The following ENDOV variants were observed in gnomAD, a reference collection of about 807,000 sequenced individuals.
ENDOV encodes endonuclease V.
Under a neutral mutation model 39.4 loss-of-function variants are expected in ENDOV, and 37 were observed. The observed-to-expected ratio is 0.94, with a 90% confidence interval of 0.72 to 1.23. The LOEUF (loss-of-function observed/expected upper bound fraction) is 1.23. Among genes scored for constraint, ENDOV ranks in the 50% most tolerant of loss-of-function variants. The probability of loss-of-function intolerance (pLI) is 0.00; values close to 1 mark genes in which losing one functional copy is unlikely to be tolerated. For missense variants in ENDOV, 441 were observed against 375.7 expected, an observed-to-expected ratio of 1.17 and a Z score of -1.44; for synonymous variants, 186 against 163.4, an observed-to-expected ratio of 1.14 and a Z score of -1.05.
At chr17:80,424,520 A>G (rs1390920403) in intron 5 of ENDOV, among the ~76,000 whole-genome samples, 5 of 152,214 alleles carry the variant, frequency 3.3e-5, no homozygotes, top group African/African-American at 1.2e-4. Flanking sequence ...TCTTGTGGGC[A>G]GCACCCTCAG....
At chr17:80,428,105 C>A (rs1306614137) in intron 7 of ENDOV, among the ~76,000 whole-genome samples, 1 of 152,228 alleles carries the variant, frequency 6.6e-6, no homozygotes, top group Non-Finnish European at 1.5e-5. Flanking sequence ...GGCCCACCGC[C>A]CTCTTTTATC....
intron 7 of ENDOV, chr17:80,427,375 G>T: frequency 2.1e-6 from 2 of 970,246 alleles, no homozygotes; most frequent in Non-Finnish European, 2.5e-6. Context: ...GCCTCAGCGC[G>T]CCCCAGAGTA....
In ENDOV at chr17:80,421,948, G is replaced by A; in HGVS notation, c.349G>A (p.Gly117Ser). Residue 117 changes from glycine to serine, a missense_variant, in exon 3 of 10, where the codon GGC becomes AGC. Physicochemically the swap from Gly to Ser is moderately conservative, Grantham distance 56. Coordinates refer to ENST00000518137, the MANE Select transcript of ENDOV (RefSeq NM_173627.5). ...LVQQLREKEP[G>S]LMPQVLLVDG... ...GCAGCAGCTGCGGGAGAAGGAGCCG[G>A]GCCTCATGCCCCAGGCAGGTGTCTC... 1 of 1,609,398 alleles carries A rather than the reference G, an allele frequency of 6.2e-7. No individual in the cohort carries two copies. Among genetic ancestry groups the A allele is most frequent in the Non-Finnish European group, 8.5e-7 (1 of 1,179,634 alleles).
intron 3 of ENDOV, 83 bp from the exon 4 acceptor site, chr17:80,422,123 C>A (rs2144929022): frequency 6.3e-7 from 1 of 1,587,734 alleles, no homozygotes; most frequent in East Asian, 2.3e-5. Context: ...AGAGACAGTG[C>A]CCCCTTCTTG....
At chr17:80,415,883 C>T (rs1231222963) in intron 2 of ENDOV, 62 bp downstream of exon 2, 4 of 1,535,344 alleles carry the variant, frequency 2.6e-6, no homozygotes, top group Non-Finnish European at 2.6e-6. Flanking sequence ...GTGCGGTCTC[C>T]GGGACAGGGA....
chr17:80,434,122 T>C (rs1050541685), intron 9 of ENDOV, among the ~76,000 whole-genome samples: 1 of 152,140 alleles, frequency 6.6e-6, no homozygotes, highest in Admixed American at 6.5e-5. Context: ...GACAGGCCTG[T>C]TGTGGGCACC....
intron 9 of ENDOV, chr17:80,430,299 T>G (rs1468138147): frequency 6.6e-7 from 1 of 1,508,310 alleles, no homozygotes; most frequent in Non-Finnish European, 8.8e-7. Context: ...CAGCCTGTGC[T>G]TTGCCCACCC....
intron 2 of ENDOV, chr17:80,419,564 G>A (rs1255851700): frequency 2.8e-6 from 2 of 702,662 alleles, no homozygotes; most frequent in Non-Finnish European, 5.2e-6. Context: ...ACTCCTACTT[G>A]TCTGTGACTC....
intron 9 of ENDOV, among the ~76,000 whole-genome samples, chr17:80,435,893 G>C (rs2083565508): frequency 1.3e-5 from 2 of 151,990 alleles, no homozygotes; most frequent in Non-Finnish European, 2.9e-5. Flanking sequence ...TGGGATTACA[G>C]GCGTGAGCCA....
rs374821116 is a variant in ENDOV, at chr17:80,421,875, G to T, written c.276G>T (p.Val92=). 42 of 1,607,060 alleles carry T rather than the reference G, an allele frequency of 2.6e-5. 1 individual carries two copies. Among genetic ancestry groups the T allele is most frequent in the Admixed American group, 6.8e-5 (4 of 59,224 alleles). ...TGGTCAGCCTCACAGCCCCCTACGTGTCGGGCTTCCTGGCCTTCCGAGAGG... is the reference window on the plus strand; with the variant it reads ...TGGTCAGCCTCACAGCCCCCTACGTTTCGGGCTTCCTGGCCTTCCGAGAGG... ...SRMVSLTAPY[V]SGFLAFREVP... is the part of the protein sequence containing the mutation. The change falls in exon 3 of 10, where the codon GTG becomes GTT. Residue 92 remains valine (V), a synonymous_variant. Coordinates refer to ENST00000518137, the MANE Select transcript of ENDOV (RefSeq NM_173627.5).
At position 80,419,927 on chromosome 17, in the gene ENDOV, G is replaced by C. The variant is rs2144869923; in HGVS notation, c.229-1901G>C. ...TTATGTTGAGATTGCTGGTCATCCA[G>C]ACCTGCCCCCTACGCTAATCATACA... On this transcript the variant is annotated intron_variant, in intron 2 of 9. Coordinates refer to ENST00000518137, the MANE Select transcript of ENDOV (RefSeq NM_173627.5). The C allele has an allele frequency of 1.2e-5, 6 of 501,626 alleles. No homozygotes were observed. In the South Asian group the frequency reaches 1.7e-4, roughly 14 times the overall value. 31.1% of individuals were successfully genotyped at this position (501,626 alleles called of 1,614,324 possible). A position where few individuals can be genotyped will look rare whatever the true frequency, so the allele number is the denominator to read the frequency against.
chr17:80,429,916 G>C, intron 9 of ENDOV, 85 bp downstream of exon 9: 3 of 1,607,690 alleles, frequency 1.9e-6, no homozygotes, highest in Non-Finnish European at 2.5e-6. Flanking sequence ...GGCAAGGACT[G>C]GCAGTAGGGT....
In ENDOV at chr17:80,436,391, G is replaced by C; in HGVS notation, c.*248G>C. The C allele has an allele frequency of 7.0e-7, 1 of 1,426,414 alleles. No individual in the cohort carries two copies. Among genetic ancestry groups the C allele is most frequent in the Non-Finnish European group, 9.3e-7 (1 of 1,078,328 alleles). 88.4% of individuals were successfully genotyped at this position (1,426,414 alleles called of 1,614,324 possible). A position where few individuals can be genotyped will look rare whatever the true frequency, so the allele number is the denominator to read the frequency against. On this transcript the variant is annotated 3_prime_UTR_variant, in exon 10 of 10. Transcript: ENST00000518137. The stretch of plus-strand genomic sequence containing the variant: ...CGTTTGCAGTCTTTCACCACTAGAT[G>C]TGATGTGAGCTGTTAGATTTTCAAG...
At chr17:80,428,381 G>A in intron 7 of ENDOV, 1 of 579,354 alleles carries the variant, frequency 1.7e-6, no homozygotes, top group Non-Finnish European at 3.1e-6. Flanking sequence ...CTCGGTTTGA[G>A]AGCTGCCATT....
chr17:80,430,375 ATTTG>A (rs113730607), intron 9 of ENDOV: 753,587 of 1,506,058 alleles, frequency 0.5, 195,646 homozygotes, highest in Non-Finnish European at 0.53. Flanking sequence ...TATTTCACAT[ATTTG>A]TTTGTTTGTT....
chr17:80,428,343 C>T (rs1599437315), intron 7 of ENDOV: 1 of 523,106 alleles, frequency 1.9e-6, no homozygotes, highest in Non-Finnish European at 3.4e-6. Context: ...CACTCACCAG[C>T]TACTCAGGCC....
chr17:80,417,302 G>T (rs2081340924), intron 2 of ENDOV: 1 of 152,250 alleles, frequency 6.6e-6, no homozygotes, highest in African/African-American at 2.4e-5. Context: ...CTTCTGGAAG[G>T]GTTTCCATCT....
chr17:80,422,517 G>A (rs1451340953), intron 4 of ENDOV, among the ~76,000 whole-genome samples: 2 of 152,240 alleles, frequency 1.3e-5, no homozygotes, highest in Admixed American at 1.3e-4. Context: ...CTCATCTCCA[G>A]GTGCCACTAT....
intron 5 of ENDOV, among the ~76,000 whole-genome samples, chr17:80,424,664 A>G (rs2082463090): frequency 6.6e-6 from 1 of 152,110 alleles, no homozygotes; most frequent in African/African-American, 2.4e-5. Flanking sequence ...TTTAAAAATA[A>G]AGAGACCTGG....
Sources: allele counts gnomAD v4.1 joint callset (sites outside exome capture counted in the v4.1 genomes callset), GRCh38; gene constraint gnomAD v4.1.1; transcripts MANE v1.5; gene names NCBI Gene and HGNC (gene_info 2026-07-23, HGNC 2026-07-21).